Variants in KIF26B observed in about 807,000 individuals in gnomAD.
The protein encoded by KIF26B is kinesin-like protein KIF26B.
KIF26B carries 63 observed loss-of-function variants against 151.2 expected under a neutral mutation model. That is an observed-to-expected ratio of 0.42 (90% CI 0.34 to 0.51). The LOEUF is 0.51. KIF26B is among the 20% of genes least tolerant of loss of function. KIF26B has a pLI of 0.07. For synonymous variants in KIF26B, 1,357 were observed against 1,262.1 expected, an observed-to-expected ratio of 1.08 and a Z score of -1.59; for missense variants, 2,813 against 2,913.6, an observed-to-expected ratio of 0.97 and a Z score of 0.79.
chr1:245,662,001 C>A (rs1298356596), intron 10 of KIF26B, among the ~76,000 whole-genome samples: 6 of 120,754 alleles, frequency 5.0e-5, no homozygotes, highest in African/African-American at 1.9e-4. Context: ...ATATGCACAC[C>A]CAATATATAT....
intron 2 of KIF26B, among the ~76,000 whole-genome samples, chr1:245,184,599 G>A (rs542921534): frequency 3.9e-5 from 6 of 152,278 alleles, no homozygotes; most frequent in Non-Finnish European, 5.9e-5. Context: ...TGTAAAAATA[G>A]GAGTCAAAAT....
intron 2 of KIF26B, among the ~76,000 whole-genome samples, chr1:245,208,389 C>T (rs1409424304): frequency 6.6e-6 from 1 of 152,156 alleles, no homozygotes; most frequent in Non-Finnish European, 1.5e-5. Context: ...GTAATTGACA[C>T]AAGTTGGTCA....
intron 9 of KIF26B, among the ~76,000 whole-genome samples, chr1:245,640,792 G>T (rs561380469): frequency 5.9e-4 from 89 of 151,922 alleles, no homozygotes; most frequent in Middle Eastern, 3.4e-3. Flanking sequence ...GAAACAAAAA[G>T]AAAAAAACAC....
At position 245,227,252 on chromosome 1, in the gene KIF26B, G is replaced by C. The variant is rs544902377; in HGVS notation, c.465+70569G>C. Among the ~76,000 whole-genome samples the C allele has an allele frequency of 6.6e-5, 10 of 152,214 alleles. No homozygotes were observed. The highest frequency in any genetic ancestry group is 1.2e-4 in the Non-Finnish European group (8 of 68,044). On this transcript the variant is annotated intron_variant, in intron 2 of 14. Coordinates refer to ENST00000407071, the MANE Select transcript of KIF26B (RefSeq NM_018012.4). This position sits in a 1 kb window ranked among gnomAD's most constrained non-coding sequence, Gnocchi z 4.1. ...GATTAAGCCAGGATTTGCTTACCTG[G>C]AAGGTCCAGAAAGAAATTCCCCTTC...
chr1:245,365,855 A>C (rs73133001), intron 2 of KIF26B, among the ~76,000 whole-genome samples: 1 of 151,986 alleles, frequency 6.6e-6, no homozygotes, highest in Non-Finnish European at 1.5e-5. Flanking sequence ...TCACTGCAGA[A>C]CTCCAAGGTC....
intron 2 of KIF26B, among the ~76,000 whole-genome samples, chr1:245,192,196 A>G (rs1415101236): frequency 1.3e-5 from 2 of 152,204 alleles, no homozygotes; most frequent in Admixed American, 1.3e-4. Context: ...ATTTGATCAA[A>G]TGCTGTGTGG....
At position 245,367,048 on chromosome 1, in the gene KIF26B, TCCCCACCCTGGTGGGGTCCCGGCA is replaced by T. The variant is rs1473117982; in HGVS notation, c.682_705del (p.Pro228_His235del). ...TGCTCCCCGCCACCGCTCTCCAACA[TCCCCACCCTGGTGGGGTCCCGGCA>T]CGTGGGTGGGCTCCAGCAGCCCAGA... On this transcript the variant is annotated inframe_deletion, in exon 3 of 15. Coordinates refer to ENST00000407071, the MANE Select transcript of KIF26B (RefSeq NM_018012.4). This position sits in a 1 kb window ranked among gnomAD's most constrained non-coding sequence, Gnocchi z 4.2. 6.2e-7 allele frequency: 1 copy of T among 1,609,758 alleles called. No individual in the cohort carries two copies. The highest frequency in any genetic ancestry group is 1.7e-5 in the Admixed American group (1 of 59,418).
intron 4 of KIF26B, among the ~76,000 whole-genome samples, chr1:245,451,571 T>G (rs1436569159): frequency 1.4e-5 from 2 of 147,880 alleles, no homozygotes; most frequent in South Asian, 4.4e-4. Context: ...ATAATATGTA[T>G]CCAGAAGATC....
intron 4 of KIF26B, among the ~76,000 whole-genome samples, chr1:245,493,063 A>G (rs34093055): frequency 0.033 from 5,042 of 152,156 alleles, 134 homozygotes; most frequent in Non-Finnish European, 0.05. Context: ...ACAGGTGTGA[A>G]CCACTGTGCC....
chr1:245,609,637 G>C (rs759544975), intron 8 of KIF26B, 109 bp downstream of exon 8: 12 of 1,226,192 alleles, frequency 9.8e-6, no homozygotes, highest in Non-Finnish European at 1.3e-5. Context: ...GAGGCTTACG[G>C]GTGTTTACTT....
At chr1:245,492,208 G>A (rs895062696) in intron 4 of KIF26B, among the ~76,000 whole-genome samples, 11 of 152,180 alleles carry the variant, frequency 7.2e-5, no homozygotes, top group African/African-American at 1.4e-4. Context: ...GGGCTGAGCC[G>A]CGTCAGCTCT....
chr1:245,489,651 G>A (rs755910631), intron 4 of KIF26B, among the ~76,000 whole-genome samples: 10 of 152,026 alleles, frequency 6.6e-5, no homozygotes, highest in Non-Finnish European at 1.5e-4. Flanking sequence ...ATTCCTCGTC[G>A]GGCTATGTAT....
chr1:245,431,855 G>C (rs1572058338), intron 4 of KIF26B, among the ~76,000 whole-genome samples: 1 of 152,154 alleles, frequency 6.6e-6, no homozygotes, highest in East Asian at 1.9e-4. Flanking sequence ...AAAGCAAAAG[G>C]TTTTTCAGTG....
chr1:245,155,369 C>A lies in KIF26B; in HGVS notation c.-56C>A, dbSNP rs530762023. 3.9e-5 allele frequency: 57 copies of A among 1,450,432 alleles called. No homozygotes were observed. The East Asian group carries it at 1.2e-3, about 30-fold the overall frequency. 89.8% of individuals were successfully genotyped at this position (1,450,432 alleles called of 1,614,324 possible). On this transcript the variant is annotated 5_prime_UTR_variant, in exon 1 of 15. Transcript: ENST00000407071. ...CGGGGGACGCTTCTGGGTTGGAGGACCTTCTGGATGTAGCGTCGGTGGAAC... is the reference window on the plus strand; with the variant it reads ...CGGGGGACGCTTCTGGGTTGGAGGAACTTCTGGATGTAGCGTCGGTGGAAC...
chr1:245,224,941 A>AAG (rs1669845601), intron 2 of KIF26B, among the ~76,000 whole-genome samples: 1 of 152,208 alleles, frequency 6.6e-6, no homozygotes. Flanking sequence ...ATTATCTGAA[A>AAG]AGGCTATTAA....
chr1:245,614,235 C>T (rs1191407616), intron 9 of KIF26B, among the ~76,000 whole-genome samples: 6 of 152,124 alleles, frequency 3.9e-5, no homozygotes, highest in African/African-American at 1.2e-4. Context: ...AGTACAGTGG[C>T]GTGATCTCGG....
chr1:245,599,410 C>G (rs554404915), intron 5 of KIF26B, among the ~76,000 whole-genome samples: 6 of 152,354 alleles, frequency 3.9e-5, no homozygotes, highest in Non-Finnish European at 5.9e-5. Flanking sequence ...GGATCTTCAG[C>G]CTCTCTGCAG....
intron 2 of KIF26B, among the ~76,000 whole-genome samples, chr1:245,186,481 T>G (rs898458771): frequency 1.3e-5 from 2 of 152,152 alleles, no homozygotes; most frequent in Non-Finnish European, 2.9e-5. Flanking sequence ...CCTGCATCTG[T>G]GAGGTGAAAG....
intron 4 of KIF26B, among the ~76,000 whole-genome samples, chr1:245,430,072 G>T (rs555077016): frequency 3.3e-5 from 5 of 152,348 alleles, no homozygotes; most frequent in Admixed American, 3.3e-4. Flanking sequence ...GATACTCACA[G>T]TGGACATTAA....
Sources: allele counts gnomAD v4.1 joint callset (sites outside exome capture counted in the v4.1 genomes callset), GRCh38; gene constraint gnomAD v4.1.1; non-coding constraint Gnocchi (gnomAD v3.1); transcripts MANE v1.5; gene names NCBI Gene and HGNC (gene_info 2026-07-23, HGNC 2026-07-21).